Variants in EDIL3 observed in about 807,000 individuals in gnomAD.
EDIL3 encodes the protein EGF like and discoidin domains 3.
Under a neutral mutation model 67.4 loss-of-function variants are expected in EDIL3, and 37 were observed. The ratio of observed to expected loss-of-function variants is 0.55; its 90% confidence interval spans 0.42 to 0.72. EDIL3 has a LOEUF of 0.72. Among genes scored for constraint, EDIL3 ranks in the 30% least tolerant of loss-of-function variants. EDIL3 has a pLI of 0.00. For synonymous variants in EDIL3, 195 were observed against 196.3 expected (o/e 0.99, Z 0.05); for missense variants, 527 against 586.3 (o/e 0.90, Z 1.04).
chr5:84,371,730 GA>G (rs1040992002), intron 1 of EDIL3, among the ~76,000 whole-genome samples: 21 of 151,434 alleles, frequency 1.4e-4, no homozygotes, highest in Non-Finnish European at 2.8e-4. Flanking sequence ...AATAAAGAAT[GA>G]AAAAAATAAG....
chr5:83,999,162 T>C (rs1195671006), intron 9 of EDIL3, among the ~76,000 whole-genome samples: 1 of 152,118 alleles, frequency 6.6e-6, no homozygotes, highest in East Asian at 1.9e-4. Flanking sequence ...TTGGAAAACC[T>C]TCCTAAGAAG....
At chr5:84,037,267 G>A (rs1290695642) in intron 9 of EDIL3, among the ~76,000 whole-genome samples, 5 of 152,136 alleles carry the variant, frequency 3.3e-5, no homozygotes, top group African/African-American at 1.2e-4. Context: ...AAATAAAGCT[G>A]TGTCCTAAAA....
chr5:84,114,462 C>G (rs769325739), intron 5 of EDIL3, among the ~76,000 whole-genome samples: 1 of 152,132 alleles, frequency 6.6e-6, no homozygotes, highest in Non-Finnish European at 1.5e-5. Flanking sequence ...CAGAGCACCC[C>G]CTGGGTGTCA....
At chr5:83,948,855 G>T (rs1744359286) in intron 10 of EDIL3, among the ~76,000 whole-genome samples, 1 of 151,686 alleles carries the variant, frequency 6.6e-6, no homozygotes, top group Non-Finnish European at 1.5e-5. Flanking sequence ...TTTCATGATT[G>T]AATGGCTAGT....
intron 5 of EDIL3, among the ~76,000 whole-genome samples, chr5:84,128,040 G>A (rs900771859): frequency 2.0e-5 from 3 of 152,070 alleles, no homozygotes; most frequent in Non-Finnish European, 4.4e-5. Context: ...TGCTTTGAAG[G>A]TGGGAACTCA....
chr5:84,241,249 C>G (rs546111411), intron 2 of EDIL3, among the ~76,000 whole-genome samples: 1 of 152,144 alleles, frequency 6.6e-6, no homozygotes, highest in Non-Finnish European at 1.5e-5. Flanking sequence ...TCCATGAAGG[C>G]TCAATACACA....
chr5:84,137,175 G>GTA (rs1174157091), intron 5 of EDIL3, 66 bp downstream of exon 5: 2 of 1,066,440 alleles, frequency 1.9e-6, no homozygotes, highest in African/African-American at 1.9e-5. Flanking sequence ...ATATGTGTGT[G>GTA]TGTATACATA....
chr5:84,180,581 C>T, intron 3 of EDIL3, 60 bp from the exon 4 acceptor site: 1 of 1,455,562 alleles, frequency 6.9e-7, no homozygotes, highest in South Asian at 1.5e-5. Flanking sequence ...GACATTAGGT[C>T]AACATTTTGC....
At chr5:83,950,723 C>G (rs1158314367) in intron 10 of EDIL3, among the ~76,000 whole-genome samples, 1 of 151,778 alleles carries the variant, frequency 6.6e-6, no homozygotes, top group East Asian at 2.0e-4. Flanking sequence ...ATCAAACAAC[C>G]AGTGTTACTT....
chr5:84,106,645 T>A lies in EDIL3; in HGVS notation c.651+4A>T. 1 of 1,597,560 alleles carries A rather than the reference T, an allele frequency of 6.3e-7. No individual in the cohort carries two copies. The highest frequency in any genetic ancestry group is 8.5e-7 in the Non-Finnish European group (1 of 1,174,058). On this transcript the variant is annotated splice_donor_region_variant and intron_variant, in intron 6 of 10. Transcript: ENST00000296591. ...CATTAACCTTGTCCCATCCCATCTG[T>A]TACCTGAATCCACGGCCATCTGTCA...
rs893553285 is a variant in EDIL3, at chr5:84,384,679, C to T, written c.-305G>A. On this transcript the variant is annotated 5_prime_UTR_variant, in exon 1 of 11. Transcript: ENST00000296591. ...CCCGGCAGAGGCGCGGCGGGCGGGG[C>T]GCGGGCTCCCGCGGCCGCCCCGGGT... 4.9e-5 allele frequency: 9 copies of T among 182,508 alleles called. No individual in the cohort carries two copies. Among genetic ancestry groups the T allele is most frequent in the Non-Finnish European group, 1.0e-4 (9 of 88,406 alleles). The allele number at this position is 182,508 out of a possible 1,614,324, so 11.3% of individuals were successfully genotyped here.
At chr5:83,977,217 C>T (rs1282962891) in intron 9 of EDIL3, among the ~76,000 whole-genome samples, 1 of 151,764 alleles carries the variant, frequency 6.6e-6, no homozygotes, top group Non-Finnish European at 1.5e-5. Context: ...TATCTACATC[C>T]TTCAGCTTTA....
chr5:84,372,749 G>T (rs953967268), intron 1 of EDIL3, among the ~76,000 whole-genome samples: 4 of 152,054 alleles, frequency 2.6e-5, no homozygotes, highest in African/African-American at 9.7e-5. Flanking sequence ...TGTCAACAGG[G>T]ATAATAAAAA....
chr5:84,303,156 C>T (rs983422532), intron 1 of EDIL3, among the ~76,000 whole-genome samples: 30 of 152,230 alleles, frequency 2.0e-4, no homozygotes, highest in African/African-American at 7.2e-4. Flanking sequence ...GTTATCTACT[C>T]TCTGCTTTCT....
intron 3 of EDIL3, among the ~76,000 whole-genome samples, chr5:84,205,785 A>C (rs541434376): frequency 2.1e-3 from 314 of 152,090 alleles, no homozygotes; most frequent in South Asian, 0.011. Flanking sequence ...TTATTGCGTC[A>C]ATTTGATTCT....
At chr5:84,317,879 G>C (rs1746548109) in intron 1 of EDIL3, among the ~76,000 whole-genome samples, 2 of 152,304 alleles carry the variant, frequency 1.3e-5, no homozygotes, top group Non-Finnish European at 2.9e-5. Context: ...AATTGTCTCT[G>C]TTTGCAGATG....
chr5:84,008,305 A>G (rs1006706381), intron 9 of EDIL3, among the ~76,000 whole-genome samples: 11 of 152,332 alleles, frequency 7.2e-5, no homozygotes, highest in South Asian at 4.1e-4. Flanking sequence ...TGTTCATAAT[A>G]CCAAGAAAGG....
intron 1 of EDIL3, among the ~76,000 whole-genome samples, chr5:84,378,052 T>G (rs1316636755): frequency 5.9e-5 from 9 of 152,326 alleles, no homozygotes; most frequent in Admixed American, 3.3e-4. Context: ...AAGGTCTACT[T>G]CTTTTTTACA....
chr5:84,321,380 G>T (rs1302049189), intron 1 of EDIL3, among the ~76,000 whole-genome samples: 1 of 152,044 alleles, frequency 6.6e-6, no homozygotes, highest in Non-Finnish European at 1.5e-5. Context: ...CCATTAAAAC[G>T]TTAGATGCAG....
Sources: allele counts gnomAD v4.1 joint callset (sites outside exome capture counted in the v4.1 genomes callset), GRCh38; gene constraint gnomAD v4.1.1; transcripts MANE v1.5; gene names NCBI Gene and HGNC (gene_info 2026-07-23, HGNC 2026-07-21).